Variants in PRCP observed in about 807,000 individuals in gnomAD.
PRCP encodes the protein lysosomal Pro-X carboxypeptidase.
PRCP carries 46 observed loss-of-function variants against 54.2 expected under a neutral mutation model. The observed-to-expected ratio is 0.85, with a 90% CI of 0.67 to 1.09. The LOEUF is 1.09. Among genes scored for constraint, PRCP ranks in the 50% least tolerant of loss-of-function variants. PRCP has a pLI of 0.00. For missense variants in PRCP, 613 were observed against 596.8 expected (o/e 1.03, Z -0.28); for synonymous variants, 240 against 212.2 (o/e 1.13, Z -1.14).
chr11:82,887,007 T>A (rs1859876498), intron 1 of PRCP, among the ~76,000 whole-genome samples: 1 of 152,212 alleles, frequency 6.6e-6, no homozygotes, highest in Admixed American at 6.5e-5. Context: ...TCCAAGGTCA[T>A]CATCTTTGAC....
intron 8 of PRCP, among the ~76,000 whole-genome samples, chr11:82,833,452 G>T (rs2121073473): frequency 6.6e-6 from 1 of 152,312 alleles, no homozygotes; most frequent in African/African-American, 2.4e-5. Flanking sequence ...AACAGATACT[G>T]GAGAGGGTGT....
intron 6 of PRCP, among the ~76,000 whole-genome samples, chr11:82,841,606 C>A (rs1190776340): frequency 1.3e-5 from 2 of 152,032 alleles, no homozygotes; most frequent in Non-Finnish European, 2.9e-5. Context: ...TTAAGATGTT[C>A]AAATAATTGG....
chr11:82,865,169 T>C (rs925746308), intron 1 of PRCP, among the ~76,000 whole-genome samples: 6 of 152,140 alleles, frequency 3.9e-5, no homozygotes, highest in Admixed American at 1.3e-4. Flanking sequence ...AACTAATAAT[T>C]AGGAATCAAA....
At chr11:82,850,192 A>G in intron 4 of PRCP, 121 bp from the exon 5 acceptor site, 1 of 977,790 alleles carries the variant, frequency 1.0e-6, no homozygotes, top group Non-Finnish European at 1.4e-6. Flanking sequence ...GAGAAAAATA[A>G]CACAGCTGTT....
intron 1 of PRCP, among the ~76,000 whole-genome samples, chr11:82,881,577 G>T (rs1859750872): frequency 6.6e-6 from 1 of 152,178 alleles, no homozygotes; most frequent in Admixed American, 6.5e-5. Flanking sequence ...GTGCCAGCTG[G>T]CCTGGGCTGA....
chr11:82,860,039 C>T lies in PRCP; in HGVS notation c.247G>A (p.Gly83Ser). 1 of 1,591,328 alleles carries T rather than the reference C, an allele frequency of 6.3e-7. No individual in the cohort carries two copies. Among genetic ancestry groups the T allele is most frequent in the Non-Finnish European group, 8.6e-7 (1 of 1,169,538 alleles). The change falls in exon 2 of 9, where the codon GGT becomes AGT. Residue 83 changes from glycine to serine, a missense_variant. Physicochemically the swap from Gly to Ser is moderately conservative, Grantham distance 56. Coordinates refer to ENST00000313010, the MANE Select transcript of PRCP (RefSeq NM_005040.4). The stretch of plus-strand genomic sequence containing the variant: ...CCAGTGTAGAAAAGTATTGATCCAC[C>T]ATTTTTCTTCCAGTATTTATCAGCT... ...LVADKYWKKN[G>S]GSILFYTGNE...
chr11:82,856,113 C>G (rs1177741882), intron 2 of PRCP, among the ~76,000 whole-genome samples: 1 of 152,062 alleles, frequency 6.6e-6, no homozygotes, highest in East Asian at 1.9e-4. Flanking sequence ...TGAGACCAGC[C>G]TGGGCAACAT....
At chr11:82,847,749 T>C (rs1053551104) in intron 6 of PRCP, among the ~76,000 whole-genome samples, 5 of 152,064 alleles carry the variant, frequency 3.3e-5, no homozygotes, top group Admixed American at 6.5e-5. Context: ...GGCACCCCTA[T>C]GCCCTGCTAA....
intron 6 of PRCP, among the ~76,000 whole-genome samples, chr11:82,844,981 A>G (rs956965095): frequency 6.6e-6 from 1 of 151,398 alleles, no homozygotes; most frequent in Admixed American, 6.6e-5. Context: ...GCAAAAACTT[A>G]GAATGAATTT....
intron 1 of PRCP, among the ~76,000 whole-genome samples, chr11:82,869,080 G>T (rs1229180016): frequency 6.6e-6 from 1 of 151,610 alleles, no homozygotes; most frequent in Non-Finnish European, 1.5e-5. Flanking sequence ...CCTAGGCCAG[G>T]TGCACTGGCT....
rs375519099 is a variant in PRCP, at chr11:82,825,167, A to G, written c.1275-45T>C. The G allele has an allele frequency of 1.1e-5, 17 of 1,513,946 alleles. No individual in the cohort carries two copies. The African/African-American group carries it at 2.2e-4, about 20-fold the overall frequency. 93.8% of individuals were successfully genotyped at this position (1,513,946 alleles called of 1,614,324 possible). On this transcript the variant is annotated intron_variant, in intron 8 of 8. Transcript: ENST00000313010. The stretch of plus-strand genomic sequence containing the variant: ...GAAAAAATAAAGTTGTTAGTTTTTC[A>G]TGTTAACACTCAGATAAGCTAGAAG...
At chr11:82,890,720 A>C (rs1391170706) in intron 1 of PRCP, among the ~76,000 whole-genome samples, 1 of 152,038 alleles carries the variant, frequency 6.6e-6, no homozygotes, top group African/African-American at 2.4e-5. Flanking sequence ...TTTCGCCTCC[A>C]CTCACCCTCT....
intron 1 of PRCP, among the ~76,000 whole-genome samples, chr11:82,861,869 C>A (rs1463296298): frequency 2.6e-5 from 4 of 152,094 alleles, no homozygotes; most frequent in Non-Finnish European, 1.5e-5. Context: ...GATGTAGGGA[C>A]AAATGTGTAA....
intron 1 of PRCP, among the ~76,000 whole-genome samples, chr11:82,877,962 C>T (rs1457103245): frequency 2.0e-5 from 3 of 152,186 alleles, no homozygotes; most frequent in African/African-American, 4.8e-5. Flanking sequence ...GGAGGCTGTA[C>T]CCTGCAAAGC....
intron 2 of PRCP, among the ~76,000 whole-genome samples, chr11:82,854,680 C>CAACA (rs59333513): frequency 2.7e-4 from 41 of 151,630 alleles, no homozygotes; most frequent in African/African-American, 4.1e-4. Flanking sequence ...TATAAAACAA[C>CAACA]AACAAACAAA....
At chr11:82,861,056 T>C (rs752834333) in intron 1 of PRCP, among the ~76,000 whole-genome samples, 4 of 152,106 alleles carry the variant, frequency 2.6e-5, no homozygotes, top group African/African-American at 4.8e-5. Flanking sequence ...AATTGAAACA[T>C]TCAATTCATG....
In PRCP at chr11:82,838,563, T is replaced by C. The variant is rs1159490118; in HGVS notation, c.1098A>G (p.Glu366=). ...TLGWSYQACT[E]VVMPFCTNGV... is the part of the protein sequence containing the mutation. The stretch of plus-strand genomic sequence containing the variant: ...CATTAGTACAAAAGGGCATGACTAC[T>C]TCTGTGCAGGCCTAAGAAGCAAACC... Residue 366 remains glutamate, a synonymous_variant, in exon 8 of 9, where the codon GAA becomes GAG. Transcript: ENST00000313010. 1.2e-6 allele frequency: 2 copies of C among 1,613,164 alleles called. No individual in the cohort carries two copies. Among genetic ancestry groups the C allele is most frequent in the African/African-American group, 1.3e-5 (1 of 75,006 alleles).
intron 1 of PRCP, among the ~76,000 whole-genome samples, chr11:82,866,718 T>C (rs1222909912): frequency 6.6e-6 from 1 of 151,826 alleles, no homozygotes; most frequent in East Asian, 1.9e-4. Context: ...TATAGATAAT[T>C]GTTTTTAATT....
At chr11:82,889,389 A>AGAG (rs1156428158) in intron 1 of PRCP, among the ~76,000 whole-genome samples, 9 of 151,790 alleles carry the variant, frequency 5.9e-5, no homozygotes. Context: ...AAAATAAAAA[A>AGAG]GAGGAAGAAG....
Sources: allele counts gnomAD v4.1 joint callset (sites outside exome capture counted in the v4.1 genomes callset), GRCh38; gene constraint gnomAD v4.1.1; transcripts MANE v1.5; gene names NCBI Gene and HGNC (gene_info 2026-07-23, HGNC 2026-07-21).